Variants in KIFC1 observed in about 807,000 individuals in gnomAD.
KIFC1 encodes the protein kinesin-like protein KIFC1.
A neutral mutation model predicts 66.6 loss-of-function variants in KIFC1; 37 were observed. The observed-to-expected ratio is 0.56, with a 90% CI of 0.43 to 0.73. The LOEUF (loss-of-function observed/expected upper bound fraction) is 0.73. Ranked by LOEUF, KIFC1 falls within the 30% of genes least tolerant of loss-of-function variation. The pLI is 0.00. For missense variants in KIFC1, 721 were observed against 859.8 expected, an observed-to-expected ratio of 0.84 and a Z score of 2.02; for synonymous variants, 325 against 343.5, an observed-to-expected ratio of 0.95 and a Z score of 0.60.
At chr6:33,408,780 T>C (rs1223193333) in intron 10 of KIFC1, among the ~76,000 whole-genome samples, 1 of 152,172 alleles carries the variant, frequency 6.6e-6, no homozygotes, top group African/African-American at 2.4e-5. Flanking sequence ...TCATAGCTCA[T>C]TGTAGCCACC....
Position 33,406,491 on chromosome 6 carries a change from G to A in KIFC1, c.1827+5G>A. On this transcript the variant is annotated splice_donor_5th_base_variant and intron_variant, in intron 8 of 10. Coordinates refer to ENST00000428849, the MANE Select transcript of KIFC1 (RefSeq NM_002263.4). The surrounding 1 kb of genome is among the most constrained non-coding windows in gnomAD (Gnocchi z 4.5). ...ATCATGGCCCTGAGCAACAAGGTGG[G>A]AATGGGAGTGGGGTGAGATACGGGA... 6.2e-7 allele frequency: 1 copy of A among 1,601,790 alleles called. No individual in the cohort carries two copies. Among genetic ancestry groups the A allele is most frequent in the Non-Finnish European group, 8.5e-7 (1 of 1,172,446 alleles).
At chr6:33,409,200 T>C (rs1775792283) in intron 10 of KIFC1, among the ~76,000 whole-genome samples, 1 of 152,092 alleles carries the variant, frequency 6.6e-6, no homozygotes, top group Admixed American at 6.6e-5. Flanking sequence ...CTCCTTCAGA[T>C]TGGTGCCAGT....
In KIFC1 at chr6:33,404,782, C is replaced by G. The variant is rs775756996; in HGVS notation, c.757-70C>G. On this transcript the variant is annotated intron_variant, in intron 6 of 10. Transcript: ENST00000428849. This position sits in a 1 kb window ranked among gnomAD's most constrained non-coding sequence, Gnocchi z 4.0. ...GGACCTCACTTCCACCCACTCCATA[C>G]GCCCCACAGTTTGTTCTTCTTCTTG... 20 of 1,447,610 alleles carry G rather than the reference C, an allele frequency of 1.4e-5. No homozygotes were observed. The highest frequency in any genetic ancestry group is 2.0e-4 in the Middle Eastern group (1 of 5,070). 89.7% of individuals were successfully genotyped at this position (1,447,610 alleles called of 1,614,324 possible).
intron 1 of KIFC1, among the ~76,000 whole-genome samples, chr6:33,396,141 A>T (rs1775021651): frequency 6.6e-6 from 1 of 152,256 alleles, no homozygotes. Context: ...CATGATTTTT[A>T]AAAATAATGA....
chr6:33,394,516 C>A (rs933205208), intron 1 of KIFC1, among the ~76,000 whole-genome samples: 14 of 152,118 alleles, frequency 9.2e-5, no homozygotes, highest in African/African-American at 3.1e-4. Flanking sequence ...GTCTCTCACT[C>A]TGTTGCCCAG....
At chr6:33,396,987 C>CT (rs9282514) in intron 1 of KIFC1, among the ~76,000 whole-genome samples, 13,873 of 89,148 alleles carry the variant, frequency 0.16, 1,828 homozygotes, top group Middle Eastern at 0.25. Context: ...TGGCCAAGTT[C>CT]TTTTTTTTTT....
In KIFC1 at chr6:33,404,209, C is replaced by T. The variant is rs548610121; in HGVS notation, c.756+80C>T. 40 of 1,404,456 alleles carry T rather than the reference C, an allele frequency of 2.8e-5. No homozygotes were observed. The African/African-American group carries it at 3.0e-4, about 11-fold the overall frequency. 87.0% of individuals were successfully genotyped at this position (1,404,456 alleles called of 1,614,324 possible). The stretch of plus-strand genomic sequence containing the variant: ...CCTCCCCTCCCTTCCAGGTACCCCT[C>T]AAGTCTGGGCTGAGAACTCCTGAGC... On this transcript the variant is annotated intron_variant, in intron 6 of 10. Transcript: ENST00000428849. The surrounding 1 kb of genome is among the most constrained non-coding windows in gnomAD (Gnocchi z 4.0).
rs1775324867 is a variant in KIFC1 at position 33,400,635 on chromosome 6, A to G, written c.250+2248A>G. 1 of 726,178 alleles carries G rather than the reference A, an allele frequency of 1.4e-6. No individual in the cohort carries two copies. Among genetic ancestry groups the G allele is most frequent in the Non-Finnish European group, 2.3e-6 (1 of 430,838 alleles). 45.0% of individuals were successfully genotyped at this position (726,178 alleles called of 1,614,324 possible). A position where few individuals can be genotyped will look rare whatever the true frequency, so the allele number is the denominator to read the frequency against. ...TGCACCTTGGCCTCCTCCGAGCCGAAAGCCGAGAGCTTCTCTCTCTTTTTT... is the reference window on the plus strand; with the variant it reads ...TGCACCTTGGCCTCCTCCGAGCCGAGAGCCGAGAGCTTCTCTCTCTTTTTT... On this transcript the variant is annotated intron_variant, in intron 3 of 10. Transcript: ENST00000428849. The surrounding 1 kb of genome is among the most constrained non-coding windows in gnomAD (Gnocchi z 4.3).
chr6:33,406,402 G>A lies in KIFC1; in HGVS notation c.1743G>A (p.Gly581=), dbSNP rs1775656277. 6.2e-7 allele frequency: 1 copy of A among 1,610,554 alleles called. No individual in the cohort carries two copies. Among genetic ancestry groups the A allele is most frequent in the African/African-American group, 1.3e-5 (1 of 74,866 alleles). ...ACCCCGGCTTAGCCCTCGGCCCCGG[G>A]GAGCGGGAACGCCTTCGGGAAACAC... The part of the protein sequence containing the change: ...RLDPGLALGP[G]ERERLRETQA... Residue 581 remains glycine, a synonymous_variant, in exon 8 of 11, where the codon GGG becomes GGA. Coordinates refer to ENST00000428849, the MANE Select transcript of KIFC1 (RefSeq NM_002263.4). The surrounding 1 kb of genome is among the most constrained non-coding windows in gnomAD (Gnocchi z 4.5).
At chr6:33,407,224 C>T (rs1290099642) in intron 10 of KIFC1, 1 of 394,560 alleles carries the variant, frequency 2.5e-6, no homozygotes, top group Non-Finnish European at 4.2e-6. Flanking sequence ...GTCTGGGCAA[C>T]ATAGTGAGAC....
chr6:33,406,403 G>T lies in KIFC1; in HGVS notation c.1744G>T (p.Glu582Ter). Residue 582 changes from glutamate to a stop codon, truncating the protein, a stop_gained, in exon 8 of 11, where the codon GAG (glutamate) becomes TAG (stop). Transcript: ENST00000428849. LOFTEE classifies it high-confidence loss of function. This position sits in a 1 kb window ranked among gnomAD's most constrained non-coding sequence, Gnocchi z 4.5. Reference protein sequence around the residue: ...LDPGLALGPGERERLRETQAI... With the variant: ...LDPGLALGPG Reference sequence around the variant, plus strand: ...CCCCGGCTTAGCCCTCGGCCCCGGGGAGCGGGAACGCCTTCGGGAAACACA... The same window carrying T: ...CCCCGGCTTAGCCCTCGGCCCCGGGTAGCGGGAACGCCTTCGGGAAACACA... The T allele has an allele frequency of 2.5e-6, 4 of 1,610,332 alleles. No homozygotes were observed. Among genetic ancestry groups the T allele is most frequent in the Non-Finnish European group, 3.4e-6 (4 of 1,177,284 alleles).
Position 33,404,274 on chromosome 6 carries a change from T to G in KIFC1, c.756+145T>G. The G allele has an allele frequency of 1.4e-6, 1 of 718,626 alleles. No homozygotes were observed. Among genetic ancestry groups the G allele is most frequent in the South Asian group, 1.9e-5 (1 of 52,170 alleles). 44.5% of individuals were successfully genotyped at this position (718,626 alleles called of 1,614,324 possible). ...GTATAGGTGCTGCTGAAGATACCTC[T>G]CTCTTGACCTGTCTGCACCCCAGCC... On this transcript the variant is annotated intron_variant, in intron 6 of 10. Coordinates refer to ENST00000428849, the MANE Select transcript of KIFC1 (RefSeq NM_002263.4). The surrounding 1 kb of genome is among the most constrained non-coding windows in gnomAD (Gnocchi z 4.0).
rs756209540 is a variant in KIFC1 at position 33,405,597 on chromosome 6, A to G, written c.1502A>G (p.Asn501Ser). ...GGGAGTGAGGAGCTCACTGTCACCA[A>G]TGCTCGATATGTCCCTGTCTCCTGT... ...GPGSEELTVT[N>S]ARYVPVSCEK... Residue 501 changes from asparagine to serine, a missense_variant, in exon 7 of 11, where the codon AAT (asparagine) becomes AGT (serine). Physicochemically the swap from Asn to Ser is conservative, Grantham distance 46. Transcript: ENST00000428849. The surrounding 1 kb of genome is among the most constrained non-coding windows in gnomAD (Gnocchi z 5.4). 15 of 1,541,328 alleles carry G rather than the reference A, an allele frequency of 9.7e-6. No individual in the cohort carries two copies. Among genetic ancestry groups the G allele is most frequent in the Non-Finnish European group, 1.3e-5 (15 of 1,147,426 alleles).
At chr6:33,394,603 T>A (rs1774943477) in intron 1 of KIFC1, among the ~76,000 whole-genome samples, 1 of 152,114 alleles carries the variant, frequency 6.6e-6, no homozygotes, top group Non-Finnish European at 1.5e-5. Flanking sequence ...CACCTCAATC[T>A]CCCGAGTAGC....
Position 33,405,309 on chromosome 6 carries a change from G to T in KIFC1, c.1214G>T (p.Cys405Phe). Residue 405 changes from cysteine (C) to phenylalanine (F), a missense_variant, in exon 7 of 11, where the codon TGC (cysteine) becomes TTC (phenylalanine). Physicochemically the swap from Cys to Phe is radical, Grantham distance 205 (BLOSUM62 -2). Coordinates refer to ENST00000428849, the MANE Select transcript of KIFC1 (RefSeq NM_002263.4). This position sits in a 1 kb window ranked among gnomAD's most constrained non-coding sequence, Gnocchi z 5.4. ...VQSALDGYPV[C>F]IFAYGQTGSG... ...TCAGCCCTGGATGGCTATCCAGTAT[G>T]CATCTTTGCCTATGGCCAGACAGGC... The T allele has an allele frequency of 1.2e-6, 2 of 1,614,130 alleles. No individual in the cohort carries two copies. The highest frequency in any genetic ancestry group is 2.2e-5 in the South Asian group (2 of 91,082).
intron 1 of KIFC1, among the ~76,000 whole-genome samples, chr6:33,394,027 T>G (rs369959423): frequency 4.6e-5 from 7 of 152,088 alleles, no homozygotes; most frequent in South Asian, 2.1e-4. Context: ...ATTACAGGCA[T>G]GAGCCACTGC....
chr6:33,394,324 T>C (rs1254858957), intron 1 of KIFC1, among the ~76,000 whole-genome samples: 1 of 152,224 alleles, frequency 6.6e-6, no homozygotes, highest in African/African-American at 2.4e-5. Flanking sequence ...CATGCTTTGC[T>C]GACAGATTAG....
At position 33,405,221 on chromosome 6, in the gene KIFC1, C is replaced by G. The variant is rs757978145; in HGVS notation, c.1126C>G (p.Arg376Gly). Residue 376 changes from arginine (R) to glycine (G), a missense_variant, in exon 7 of 11, where the codon CGG becomes GGG. Physicochemically the swap from Arg to Gly is moderately radical, Grantham distance 125. Transcript: ENST00000428849. The surrounding 1 kb of genome is among the most constrained non-coding windows in gnomAD (Gnocchi z 5.4). The part of the protein sequence containing the change: ...PPTRHDFSFD[R>G]VFPPGSGQDE... ...AACTCGCCATGATTTTTCCTTTGAC[C>G]GGGTATTCCCACCAGGAAGTGGACA... 1 of 1,614,056 alleles carries G rather than the reference C, an allele frequency of 6.2e-7. No individual in the cohort carries two copies. The highest frequency in any genetic ancestry group is 8.5e-7 in the Non-Finnish European group (1 of 1,180,042).
At chr6:33,391,532 T>A, upstream of KIFC1, 1 of 225,928 alleles carries the variant, frequency 4.4e-6, no homozygotes, top group South Asian at 4.7e-5. Flanking sequence ...CCAGTTGCGT[T>A]CGTGCGGCGA....
Sources: gnomAD v4.1 joint callset for allele counts (sites outside exome capture counted in the v4.1 genomes callset) on GRCh38, gnomAD v4.1.1 for gene constraint, Gnocchi (gnomAD v3.1) non-coding constraint, MANE v1.5 for transcripts, NCBI Gene and HGNC (gene_info 2026-07-23, HGNC 2026-07-21) for gene names.